Variants in PIGK observed in about 807,000 individuals in gnomAD.
PIGK encodes the protein GPI-anchor transamidase.
In PIGK, 42 loss-of-function variants were observed where a neutral mutation model predicts 50.6. The ratio of observed to expected loss-of-function variants is 0.83; its 90% CI spans 0.65 to 1.07. The LOEUF is 1.07. Ranked by LOEUF, PIGK falls within the 50% of genes least tolerant of loss-of-function variation. The pLI is 0.00. For missense variants in PIGK, 448 were observed against 488.7 expected, an observed-to-expected ratio of 0.92 and a Z score of 0.78; for synonymous variants, 151 against 156.0, an observed-to-expected ratio of 0.97 and a Z score of 0.24.
At chr1:77,181,328 T>C (rs979267021) in intron 3 of PIGK, among the ~76,000 whole-genome samples, 7 of 152,094 alleles carry the variant, frequency 4.6e-5, no homozygotes, top group African/African-American at 1.4e-4. Flanking sequence ...ATATTTCAAA[T>C]AGATGAACAA....
intron 3 of PIGK, among the ~76,000 whole-genome samples, chr1:77,169,936 C>A (rs1655323528): frequency 1.3e-5 from 2 of 152,278 alleles, no homozygotes; most frequent in South Asian, 4.1e-4. Flanking sequence ...CAGTTTAGCA[C>A]AAGAGCACAC....
intron 1 of PIGK, among the ~76,000 whole-genome samples, chr1:77,218,880 A>T (rs1043250609): frequency 1.3e-5 from 2 of 152,118 alleles, no homozygotes; most frequent in African/African-American, 4.8e-5. Flanking sequence ...ATAAACACTT[A>T]TATTTATCCC....
chr1:77,152,357 G>T (rs181725319), intron 9 of PIGK, among the ~76,000 whole-genome samples: 3 of 151,912 alleles, frequency 2.0e-5, no homozygotes, highest in African/African-American at 4.8e-5. Flanking sequence ...AATCAAAATG[G>T]ATTAAAGACT....
chr1:77,162,177 A>G (rs922962776), intron 6 of PIGK, among the ~76,000 whole-genome samples: 2 of 152,158 alleles, frequency 1.3e-5, no homozygotes, highest in Non-Finnish European at 2.9e-5. Context: ...AATGTGCCTG[A>G]TATTATGCTG....
At chr1:77,182,547 C>T (rs1212343442) in intron 3 of PIGK, among the ~76,000 whole-genome samples, 1 of 152,032 alleles carries the variant, frequency 6.6e-6, no homozygotes, top group African/African-American at 2.4e-5. Context: ...CACACACACA[C>T]ACATATGTGA....
At chr1:77,161,904 C>T (rs966670613) in intron 6 of PIGK, among the ~76,000 whole-genome samples, 193 bp from the exon 7 acceptor site, 1 of 152,270 alleles carries the variant, frequency 6.6e-6, no homozygotes, top group Non-Finnish European at 1.5e-5. Context: ...GAAACCACAG[C>T]GAGTCTTATT....
intron 8 of PIGK, among the ~76,000 whole-genome samples, chr1:77,156,231 C>T (rs187400034): frequency 7.2e-5 from 11 of 152,218 alleles, no homozygotes; most frequent in Admixed American, 2.6e-4. Flanking sequence ...ACTTGATGGG[C>T]TTTCTTAGGT....
chr1:77,176,641 G>A (rs538664848), intron 3 of PIGK, among the ~76,000 whole-genome samples: 1 of 152,246 alleles, frequency 6.6e-6, no homozygotes, highest in South Asian at 2.1e-4. Context: ...GGAGGTTCAT[G>A]AAAGGATGGA....
chr1:77,161,601 G>T lies in PIGK; in HGVS notation c.695C>A (p.Ser232Ter). 7.1e-7 allele frequency: 1 copy of T among 1,413,896 alleles called. No individual in the cohort carries two copies. Among genetic ancestry groups the T allele is most frequent in the Non-Finnish European group, 1.0e-6 (1 of 997,340 alleles). The allele number at this position is 1,413,896 out of a possible 1,614,324, so 87.6% of individuals were successfully genotyped here. A position where few individuals can be genotyped will look rare whatever the true frequency, so the allele number is the denominator to read the frequency against. Residue 232 changes from serine (S) to a stop codon, truncating the protein, a stop_gained, in exon 7 of 11, where the codon TCA becomes TAA. Coordinates refer to ENST00000370812, the MANE Select transcript of PIGK (RefSeq NM_005482.3). LOFTEE classifies it high-confidence loss of function. ...ALASSQVGED[S>*]LSHQPDPAIG... ...TGGGGAAAATGCACATACCGAGAGT[G>T]AATCTTCTCCCACTTGACTACTAGC...
At chr1:77,190,351 C>T (rs1392713065) in intron 3 of PIGK, among the ~76,000 whole-genome samples, 1 of 151,958 alleles carries the variant, frequency 6.6e-6, no homozygotes, top group Non-Finnish European at 1.5e-5. Flanking sequence ...CAGTGAGCTA[C>T]GATCATGCCA....
rs906154227 is a variant in PIGK, at chr1:77,206,642, G to C, written c.237C>G (p.Asp79Glu). Reference sequence around the variant, plus strand: ...TAAGCTTTATTAAGGCTTCTTACCTGTCAGGAATACCTAGCCTCTTGACAC... The same window carrying C: ...TAAGCTTTATTAAGGCTTCTTACCTCTCAGGAATACCTAGCCTCTTGACAC... ...YRSVKRLGIP[D>E]SHIVLMLADD... Residue 79 changes from aspartate to glutamate, a missense_variant and splice_region_variant, in exon 3 of 11, where the codon GAC becomes GAG. By Grantham distance (45) the Asp-to-Glu change is conservative. Transcript: ENST00000370812. The C allele has an allele frequency of 1.3e-6, 2 of 1,565,908 alleles. No individual in the cohort carries two copies. The highest frequency in any genetic ancestry group is 8.8e-7 in the Non-Finnish European group (1 of 1,136,762).
rs111840792 is a variant in PIGK, at chr1:77,216,952, A to T, written c.93+2358T>A. Reference sequence around the variant, plus strand: ...GTCATTATAAAGTTATTCATTCTACATACAGTAAATGCAGCACCTATTATG... The same window carrying T: ...GTCATTATAAAGTTATTCATTCTACTTACAGTAAATGCAGCACCTATTATG... On this transcript the variant is annotated intron_variant, in intron 1 of 10. Coordinates refer to ENST00000370812, the MANE Select transcript of PIGK (RefSeq NM_005482.3). Among the ~76,000 whole-genome samples the T allele has an allele frequency of 4.7e-3, 715 of 152,346 alleles. 4 individuals carry two copies. Among genetic ancestry groups the T allele is most frequent in the Middle Eastern group, 0.027 (8 of 294 alleles).
At chr1:77,185,303 A>G (rs1655713880) in intron 3 of PIGK, among the ~76,000 whole-genome samples, 1 of 152,144 alleles carries the variant, frequency 6.6e-6, no homozygotes, top group African/African-American at 2.4e-5. Context: ...CTTCCATAAG[A>G]TATCACCCTG....
intron 9 of PIGK, among the ~76,000 whole-genome samples, chr1:77,124,850 T>TGA (rs148412119): frequency 0.013 from 1,920 of 152,300 alleles, 37 homozygotes; most frequent in African/African-American, 0.044. Flanking sequence ...TTTTCCTTCC[T>TGA]TATCAAGGAC....
intron 2 of PIGK, 28 bp downstream of exon 2, chr1:77,210,408 G>A (rs1159240893): frequency 3.5e-6 from 5 of 1,442,452 alleles, no homozygotes; most frequent in Non-Finnish European, 4.7e-6. Context: ...AATGTGAACA[G>A]CAAGGTATAC....
At chr1:77,198,190 C>T (rs1656078913) in intron 3 of PIGK, among the ~76,000 whole-genome samples, 1 of 152,014 alleles carries the variant, frequency 6.6e-6, no homozygotes, top group Admixed American at 6.6e-5. Context: ...GAATTGCTTT[C>T]ATTTATCCTT....
intron 9 of PIGK, among the ~76,000 whole-genome samples, chr1:77,132,547 T>C (rs1654400865): frequency 6.6e-6 from 1 of 152,030 alleles, no homozygotes; most frequent in South Asian, 2.1e-4. Flanking sequence ...TTGTCATACA[T>C]TTTAATTCTA....
intron 2 of PIGK, among the ~76,000 whole-genome samples, chr1:77,208,536 G>C (rs1394278285): frequency 6.6e-6 from 1 of 152,066 alleles, no homozygotes; most frequent in Non-Finnish European, 1.5e-5. Flanking sequence ...AACATGGAGG[G>C]GCTCCTAGTT....
chr1:77,160,814 C>T (rs1655113021), intron 8 of PIGK, among the ~76,000 whole-genome samples: 1 of 151,998 alleles, frequency 6.6e-6, no homozygotes, highest in African/African-American at 2.4e-5. Flanking sequence ...GTAGGGCCCA[C>T]AAAAATATGT....
Sources: allele counts gnomAD v4.1 joint callset (sites outside exome capture counted in the v4.1 genomes callset), GRCh38; gene constraint gnomAD v4.1.1; transcripts MANE v1.5; gene names NCBI Gene and HGNC (gene_info 2026-07-23, HGNC 2026-07-21).